Variants in UBE2E1 observed in about 807,000 individuals in gnomAD.
UBE2E1 encodes the protein ubiquitin-conjugating enzyme E2 E1.
In UBE2E1, 6 loss-of-function variants were observed where a neutral mutation model predicts 21.4. The observed-to-expected ratio is 0.28, with a 90% CI of 0.15 to 0.55. The LOEUF is 0.55. UBE2E1 is among the 20% of genes least tolerant of loss of function. The probability of loss-of-function intolerance (pLI) is 0.93; values close to 1 mark genes in which losing one functional copy is unlikely to be tolerated. For synonymous variants in UBE2E1, 87 were observed against 82.7 expected (o/e 1.05, Z -0.28); for missense variants, 142 against 236.5 (o/e 0.60, Z 2.62).
chr3:23,872,743 G>A (rs1434603639), intron 3 of UBE2E1, among the ~76,000 whole-genome samples: 1 of 152,240 alleles, frequency 6.6e-6, no homozygotes, highest in East Asian at 1.9e-4. Flanking sequence ...CCTAGGCTGG[G>A]CGCAGTGGCT....
rs143752191 is a variant in UBE2E1 at position 23,859,695 on chromosome 3, T to C, written c.204-27872T>C. 6.2e-3 allele frequency among the ~76,000 whole-genome samples: 938 copies of C among 152,288 alleles called. 6 individuals carry two copies. The highest frequency in any genetic ancestry group is 0.021 in the African/African-American group (889 of 41,552). On this transcript the variant is annotated intron_variant, in intron 3 of 5. Coordinates refer to ENST00000306627, the MANE Select transcript of UBE2E1 (RefSeq NM_003341.5). ...TTTCCTCTAATGCAAAACAGAGATA[T>C]TCTCTCCAAAATGGTGTTGAAGAAC... is the stretch of plus-strand genomic sequence containing the variant.
Position 23,887,427 on chromosome 3 carries a change from C to T in UBE2E1, c.204-140C>T, listed in dbSNP as rs566938148. On this transcript the variant is annotated intron_variant, in intron 3 of 5. Coordinates refer to ENST00000306627, the MANE Select transcript of UBE2E1 (RefSeq NM_003341.5). This position sits in a 1 kb window ranked among gnomAD's most constrained non-coding sequence, Gnocchi z 4.4. ...TATGGGTTTGTTGCAGTTCTGCATCCGTTTCTGTACTTGTTTTGTAAAGAG... is the reference window on the plus strand; with the variant it reads ...TATGGGTTTGTTGCAGTTCTGCATCTGTTTCTGTACTTGTTTTGTAAAGAG... The T allele has an allele frequency of 4.0e-4, 474 of 1,173,536 alleles. 4 individuals are homozygous for T. In the South Asian group the frequency reaches 5.6e-3, roughly 14 times the overall value. 72.7% of individuals were successfully genotyped at this position (1,173,536 alleles called of 1,614,324 possible). A position where few individuals can be genotyped will look rare whatever the true frequency, so the allele number is the denominator to read the frequency against.
intron 3 of UBE2E1, among the ~76,000 whole-genome samples, chr3:23,851,829 G>A (rs1001762059): frequency 6.6e-6 from 1 of 152,130 alleles, no homozygotes; most frequent in Non-Finnish European, 1.5e-5. Flanking sequence ...GATCTGTACA[G>A]TTTGGATGTT....
At chr3:23,861,580 A>G (rs1700558896) in intron 3 of UBE2E1, among the ~76,000 whole-genome samples, 2 of 152,194 alleles carry the variant, frequency 1.3e-5, no homozygotes, top group Non-Finnish European at 1.5e-5. Flanking sequence ...CTGTGCCTAT[A>G]AAAACCCCAA....
rs773470992 is a variant in UBE2E1, at chr3:23,816,089, C to T, written c.203+4579C>T. Reference sequence around the variant, plus strand: ...TTCAAATGAGCAGGAAGTCTTGTGGCGGTTGTGTTTACCAAAAGACTATAT... The same window carrying T: ...TTCAAATGAGCAGGAAGTCTTGTGGTGGTTGTGTTTACCAAAAGACTATAT... On this transcript the variant is annotated intron_variant, in intron 3 of 5. Transcript: ENST00000306627. The surrounding 1 kb of genome is among the most constrained non-coding windows in gnomAD (Gnocchi z 4.8). Among the ~76,000 whole-genome samples, 2 of 152,104 alleles carry T rather than the reference C, an allele frequency of 1.3e-5. No individual in the cohort carries two copies.
intron 3 of UBE2E1, among the ~76,000 whole-genome samples, chr3:23,881,082 T>C (rs900210690): frequency 6.6e-6 from 1 of 152,232 alleles, no homozygotes; most frequent in Non-Finnish European, 1.5e-5. Flanking sequence ...AAGTGAGTCC[T>C]TGTTAATTGC....
chr3:23,843,207 C>A (rs962815339), intron 3 of UBE2E1, among the ~76,000 whole-genome samples: 3 of 151,986 alleles, frequency 2.0e-5, no homozygotes, highest in African/African-American at 7.2e-5. Context: ...GAGGCAAGAC[C>A]ATTAGGTTAC....
chr3:23,886,596 TG>T (rs888093864), intron 3 of UBE2E1, among the ~76,000 whole-genome samples: 52 of 152,262 alleles, frequency 3.4e-4, no homozygotes, highest in African/African-American at 1.3e-3. Flanking sequence ...AAACCTGTGA[TG>T]GGTTTGGGGA....
chr3:23,842,200 T>TGTGTGTGTGTGTGTGTGTGG lies in UBE2E1; in HGVS notation c.203+30709_203+30710insGGTGTGTGTGTGTGTGTGTG, dbSNP rs1559482347. Among the ~76,000 whole-genome samples the TGTGTGTGTGTGTGTGTGTGG allele has an allele frequency of 2.9e-5, 2 of 69,946 alleles. No homozygotes were observed. 45.9% of individuals were successfully genotyped at this position (69,946 alleles called of 152,430 possible). ...TGTCATGACCCAGTAAGTGAAGGGGTGTGTGTGTGTGTGTGTGTGTGTGTG... is the reference window on the plus strand; with the variant it reads ...TGTCATGACCCAGTAAGTGAAGGGGTGTGTGTGTGTGTGTGTGTGGGTGTGTGTGTGTGTGTGTGTGTGTG... On this transcript the variant is annotated intron_variant, in intron 3 of 5. Coordinates refer to ENST00000306627, the MANE Select transcript of UBE2E1 (RefSeq NM_003341.5). This position sits in a 1 kb window ranked among gnomAD's most constrained non-coding sequence, Gnocchi z 4.6.
Position 23,887,932 on chromosome 3 carries a change from T to TA in UBE2E1, c.336+234dup, listed in dbSNP as rs1213139291. 1 of 548,828 alleles carries TA rather than the reference T, an allele frequency of 1.8e-6. No homozygotes were observed. Among genetic ancestry groups the TA allele is most frequent in the Non-Finnish European group, 3.2e-6 (1 of 316,166 alleles). 34.0% of individuals were successfully genotyped at this position (548,828 alleles called of 1,614,324 possible). On this transcript the variant is annotated intron_variant, in intron 4 of 5. Transcript: ENST00000306627. This position sits in a 1 kb window ranked among gnomAD's most constrained non-coding sequence, Gnocchi z 4.4. ...ATGGTGCTTAAAATTGTGCTATTTA[T>TA]AGTAATATTGTCAGCAACCTAGAAT...
chr3:23,845,646 C>A (rs573903403), intron 3 of UBE2E1, among the ~76,000 whole-genome samples: 79 of 85,422 alleles, frequency 9.2e-4, no homozygotes, highest in African/African-American at 3.2e-3. Context: ...TATAATTTTT[C>A]TTTTTAAACA....
intron 4 of UBE2E1, among the ~76,000 whole-genome samples, chr3:23,888,579 G>T (rs1017472890): frequency 6.6e-6 from 1 of 152,150 alleles, no homozygotes; most frequent in African/African-American, 2.4e-5. Flanking sequence ...TAAATTCTGT[G>T]ATGTAGGTAG....
chr3:23,879,759 C>G (rs1700994547), intron 3 of UBE2E1, among the ~76,000 whole-genome samples: 1 of 152,324 alleles, frequency 6.6e-6, no homozygotes, highest in East Asian at 1.9e-4. Context: ...AAGTCTGTTT[C>G]TAGCATGCTT....
At chr3:23,832,079 A>G (rs772981282) in intron 3 of UBE2E1, among the ~76,000 whole-genome samples, 10 of 152,222 alleles carry the variant, frequency 6.6e-5, no homozygotes, top group Non-Finnish European at 1.0e-4. Flanking sequence ...AGTTTGTTCA[A>G]TACTTTAAGC....
At chr3:23,821,418 A>T (rs1009031946) in intron 3 of UBE2E1, among the ~76,000 whole-genome samples, 1 of 152,214 alleles carries the variant, frequency 6.6e-6, no homozygotes, top group African/African-American at 2.4e-5. Flanking sequence ...GATTATGTAA[A>T]CCGTGCTAAG....
intron 3 of UBE2E1, among the ~76,000 whole-genome samples, chr3:23,882,499 G>A (rs367925089): frequency 8.5e-5 from 13 of 152,332 alleles, no homozygotes; most frequent in East Asian, 3.9e-4. Flanking sequence ...GGCTGCGGGC[G>A]GAGCTGCCCG....
At chr3:23,864,556 T>C (rs1700615311) in intron 3 of UBE2E1, among the ~76,000 whole-genome samples, 1 of 152,244 alleles carries the variant, frequency 6.6e-6, no homozygotes, top group African/African-American at 2.4e-5. Flanking sequence ...TGTTTTTAAT[T>C]TTCAAAAGCT....
chr3:23,817,695 G>A (rs1409718977), intron 3 of UBE2E1, among the ~76,000 whole-genome samples: 3 of 152,196 alleles, frequency 2.0e-5, no homozygotes, highest in African/African-American at 7.2e-5. Context: ...AAGAATAAGG[G>A]ATATTCGTGA....
intron 3 of UBE2E1, among the ~76,000 whole-genome samples, chr3:23,886,769 A>G (rs752500986): frequency 9.2e-5 from 14 of 152,208 alleles, no homozygotes; most frequent in South Asian, 2.1e-4. Context: ...TGCCTAGTAC[A>G]TGGGCATTCA....
Sources: allele counts gnomAD v4.1 joint callset (sites outside exome capture counted in the v4.1 genomes callset), GRCh38; gene constraint gnomAD v4.1.1; non-coding constraint Gnocchi (gnomAD v3.1); transcripts MANE v1.5; gene names NCBI Gene and HGNC (gene_info 2026-07-23, HGNC 2026-07-21).